Variants in GATB observed in about 807,000 individuals in gnomAD.
The protein encoded by GATB is glutamyl-tRNA amidotransferase subunit B, also known as glutamyl-tRNA(Gln) amidotransferase subunit B, mitochondrial.
In GATB, 39 loss-of-function variants were observed where a neutral mutation model predicts 62.3. That is an observed-to-expected ratio of 0.63 (90% CI 0.48 to 0.82). The LOEUF is 0.82. GATB is among the 40% of genes least tolerant of loss of function. The pLI is 0.00. For synonymous variants in GATB, 276 were observed against 258.9 expected (o/e 1.07, Z -0.63); for missense variants, 670 against 684.0 (o/e 0.98, Z 0.23).
chr4:151,699,975 A>G (rs1578908864), intron 9 of GATB, among the ~76,000 whole-genome samples: 1 of 152,172 alleles, frequency 6.6e-6, no homozygotes, highest in Non-Finnish European at 1.5e-5. Context: ...CCCATCTCCT[A>G]TGTAATTTCA....
At position 151,719,541 on chromosome 4, in the gene GATB, A is replaced by G. The variant is rs1208319971; in HGVS notation, c.328-3T>C. Reference sequence around the variant, plus strand: ...TCTACACACCTCCTGTTGAGAACCTATGGGAACACAACACACAGTTCCTCT... The same window carrying G: ...TCTACACACCTCCTGTTGAGAACCTGTGGGAACACAACACACAGTTCCTCT... On this transcript the variant is annotated splice_region_variant and splice_polypyrimidine_tract_variant and intron_variant, in intron 2 of 12. Coordinates refer to ENST00000263985, the MANE Select transcript of GATB (RefSeq NM_004564.3). 2 of 1,591,384 alleles carry G rather than the reference A, an allele frequency of 1.3e-6. No homozygotes were observed. The highest frequency in any genetic ancestry group is 1.7e-6 in the Non-Finnish European group (2 of 1,166,930).
intron 2 of GATB, among the ~76,000 whole-genome samples, chr4:151,734,770 T>C (rs1169787733): frequency 1.3e-5 from 2 of 152,048 alleles, no homozygotes; most frequent in Admixed American, 6.6e-5. Flanking sequence ...AACCCAGAAA[T>C]AAACCCACAT....
chr4:151,680,054 T>C (rs1390238530), intron 10 of GATB, among the ~76,000 whole-genome samples, 163 bp from the exon 11 acceptor site: 18 of 152,228 alleles, frequency 1.2e-4, no homozygotes, highest in Non-Finnish European at 4.4e-5. Context: ...ATTTTACTTA[T>C]TTATTTTATA....
chr4:151,727,656 AG>A (rs1245731158), intron 2 of GATB, among the ~76,000 whole-genome samples: 12 of 152,358 alleles, frequency 7.9e-5, no homozygotes, highest in African/African-American at 2.9e-4. Context: ...CAGAAAGAAC[AG>A]AATCTGAATC....
intron 3 of GATB, among the ~76,000 whole-genome samples, chr4:151,717,803 G>C (rs2126978393): frequency 1.3e-5 from 2 of 152,348 alleles, no homozygotes; most frequent in South Asian, 4.1e-4. Context: ...AGGAGAATTG[G>C]AGAAGAACAG....
chr4:151,672,071 C>G (rs1737880154), intron 12 of GATB, among the ~76,000 whole-genome samples: 1 of 152,168 alleles, frequency 6.6e-6, no homozygotes, highest in African/African-American at 2.4e-5. Context: ...CTTTACAGAG[C>G]TGTGAGTGTC....
chr4:151,687,965 G>A (rs1205291220), intron 10 of GATB, among the ~76,000 whole-genome samples: 2 of 152,202 alleles, frequency 1.3e-5, no homozygotes, highest in Non-Finnish European at 2.9e-5. Flanking sequence ...AAACTGGCAT[G>A]AGCTTGTAGT....
chr4:151,751,095 G>C (rs1436854526), intron 2 of GATB, among the ~76,000 whole-genome samples: 3 of 152,146 alleles, frequency 2.0e-5, no homozygotes, highest in Admixed American at 2.0e-4. Context: ...GCATGAGCTT[G>C]AGTATGGATG....
intron 2 of GATB, among the ~76,000 whole-genome samples, chr4:151,734,246 T>C (rs950491912): frequency 6.6e-6 from 1 of 151,998 alleles, no homozygotes; most frequent in African/African-American, 2.4e-5. Context: ...TTCAGCAAAG[T>C]TTCCAGATAC....
chr4:151,684,730 A>G (rs1738210048), intron 10 of GATB, among the ~76,000 whole-genome samples: 1 of 152,238 alleles, frequency 6.6e-6, no homozygotes, highest in Admixed American at 6.5e-5. Context: ...ACTGTAAAAC[A>G]CAACTGTTGC....
At chr4:151,689,102 A>T (rs1309313591) in intron 9 of GATB, among the ~76,000 whole-genome samples, 1 of 152,168 alleles carries the variant, frequency 6.6e-6, no homozygotes, top group African/African-American at 2.4e-5. Flanking sequence ...TCCATCCCTG[A>T]GCTGTGAACT....
Position 151,753,919 on chromosome 4 carries a change from T to C in GATB, c.327+4853A>G, listed in dbSNP as rs904927494. 5.3e-5 allele frequency among the ~76,000 whole-genome samples: 8 copies of C among 152,172 alleles called. 1 individual carries two copies. Among genetic ancestry groups the C allele is most frequent in the African/African-American group, 1.7e-4 (7 of 41,432 alleles). On this transcript the variant is annotated intron_variant, in intron 2 of 12. Coordinates refer to ENST00000263985, the MANE Select transcript of GATB (RefSeq NM_004564.3). The stretch of plus-strand genomic sequence containing the variant: ...TTGCCCACACTCACTTCTTCCTCCA[T>C]GCCATGACATTTCTCAATCCACTGC...
In GATB at chr4:151,730,839, C is replaced by A. The variant is rs1739229557; in HGVS notation, c.328-11301G>T. On this transcript the variant is annotated intron_variant, in intron 2 of 12. Coordinates refer to ENST00000263985, the MANE Select transcript of GATB (RefSeq NM_004564.3). The surrounding 1 kb of genome is among the most constrained non-coding windows in gnomAD (Gnocchi z 4.1). ...CCCAAATGAGAAGGAACGAGAAAACCAACGCTGGTAATATGACAAAACAAG... is the reference window on the plus strand; with the variant it reads ...CCCAAATGAGAAGGAACGAGAAAACAAACGCTGGTAATATGACAAAACAAG... Among the ~76,000 whole-genome samples the A allele has an allele frequency of 6.6e-6, 1 of 152,202 alleles. No homozygotes were observed. Among genetic ancestry groups the A allele is most frequent in the African/African-American group, 2.4e-5 (1 of 41,446 alleles).
At chr4:151,701,587 C>G in intron 8 of GATB, 69 bp from the exon 9 acceptor site, 1 of 1,106,494 alleles carries the variant, frequency 9.0e-7, no homozygotes, top group Non-Finnish European at 1.2e-6. Context: ...AAACCTCCCC[C>G]AGTAATATGA....
At chr4:151,677,070 C>A (rs1347451242) in intron 11 of GATB, among the ~76,000 whole-genome samples, 1 of 152,146 alleles carries the variant, frequency 6.6e-6, no homozygotes, top group Non-Finnish European at 1.5e-5. Flanking sequence ...CACCTTTCTT[C>A]CTTATCCCCT....
intron 2 of GATB, among the ~76,000 whole-genome samples, chr4:151,734,290 T>C (rs1012833309): frequency 6.7e-6 from 1 of 150,262 alleles, no homozygotes; most frequent in African/African-American, 2.5e-5. Context: ...CTCTTCTATA[T>C]AGCAACAGTG....
chr4:151,745,131 G>T (rs953221893), intron 2 of GATB, among the ~76,000 whole-genome samples: 1 of 152,126 alleles, frequency 6.6e-6, no homozygotes, highest in African/African-American at 2.4e-5. Flanking sequence ...GAAATGGAAA[G>T]AAATTTCATA....
chr4:151,731,180 T>C (rs1739238664), intron 2 of GATB, among the ~76,000 whole-genome samples: 3 of 144,246 alleles, frequency 2.1e-5, no homozygotes, highest in Non-Finnish European at 4.6e-5. Context: ...GGCTGGACTA[T>C]ACTGCTGCCA....
At chr4:151,729,876 G>C (rs1015827411) in intron 2 of GATB, among the ~76,000 whole-genome samples, 1 of 152,174 alleles carries the variant, frequency 6.6e-6, no homozygotes, top group African/African-American at 2.4e-5. Context: ...TGGCAGACGG[G>C]AGGCAGGACT....
Sources: allele counts gnomAD v4.1 joint callset (sites outside exome capture counted in the v4.1 genomes callset), GRCh38; gene constraint gnomAD v4.1.1; non-coding constraint Gnocchi (gnomAD v3.1); transcripts MANE v1.5; gene names NCBI Gene and HGNC (gene_info 2026-07-23, HGNC 2026-07-21).